The following PCDHGA2 variants were observed in gnomAD, a reference collection of about 807,000 sequenced individuals.
PCDHGA2 encodes the protein protocadherin gamma-A2.
PCDHGA2 carries 40 observed loss-of-function variants against 59.2 expected under a neutral mutation model. That is an observed-to-expected ratio of 0.68 (90% CI 0.52 to 0.88). PCDHGA2 has a LOEUF of 0.88. Among genes scored for constraint, PCDHGA2 ranks in the 40% least tolerant of loss-of-function variants. The probability of loss-of-function intolerance (pLI) is 0.00; values close to 1 mark genes in which losing one functional copy is unlikely to be tolerated. For synonymous variants in PCDHGA2, 560 were observed against 526.0 expected (o/e 1.06, Z -0.89); for missense variants, 1,226 against 1,204.0 (o/e 1.02, Z -0.27).
chr5:141,371,950 C>A (rs749822569), intron 1 of PCDHGA2: 2 of 1,613,286 alleles, frequency 1.2e-6, no homozygotes, highest in South Asian at 2.2e-5. Flanking sequence ...GCGCAGCGAG[C>A]CTTCGACCAC....
At chr5:141,375,022 T>G in intron 1 of PCDHGA2, 1 of 1,613,828 alleles carries the variant, frequency 6.2e-7, no homozygotes, top group Admixed American at 1.7e-5. Flanking sequence ...AGGACTCGAG[T>G]TTTTATGAGC....
chr5:141,446,633 C>T (rs2098509543), intron 1 of PCDHGA2, among the ~76,000 whole-genome samples: 4 of 152,208 alleles, frequency 2.6e-5, no homozygotes, highest in East Asian at 1.9e-4. Flanking sequence ...TGCACCACCA[C>T]GCCTGGCTAA....
At chr5:141,423,328 G>C (rs1308803675) in intron 1 of PCDHGA2, 1 of 1,614,194 alleles carries the variant, frequency 6.2e-7, no homozygotes, top group African/African-American at 1.3e-5. Flanking sequence ...GGTGGCCGCA[G>C]TCTCCTGCAT....
At chr5:141,384,435 A>G in intron 1 of PCDHGA2, 1 of 1,614,008 alleles carries the variant, frequency 6.2e-7, no homozygotes, top group Non-Finnish European at 8.5e-7. Context: ...CTGACACTGG[A>G]GTCCTGTACG....
At position 141,510,973 on chromosome 5, in the gene PCDHGA2, G is replaced by A. The variant is rs1448442252; in HGVS notation, c.2599G>A (p.Gly867Arg). 2 of 1,614,042 alleles carry A rather than the reference G, an allele frequency of 1.2e-6. No individual in the cohort carries two copies. Among genetic ancestry groups the A allele is most frequent in the East Asian group, 2.2e-5 (1 of 44,894 alleles). ...AGCTGCTGATGGGAGCTCCACCCTG[G>A]GAGGGGGTGCCGGCACCATGGGATT... ...SEAADGSSTL[G>R]GGAGTMGLSA... Residue 867 changes from glycine (G) to arginine (R), a missense_variant, in exon 4 of 4, where the codon GGA (glycine) becomes AGA (arginine). Gly to Arg is a moderately radical substitution (Grantham distance 125). Transcript: ENST00000394576.
At chr5:141,403,838 GA>G (rs751575888) in intron 1 of PCDHGA2, 1 of 1,613,592 alleles carries the variant, frequency 6.2e-7, no homozygotes, top group African/African-American at 1.3e-5. Context: ...CCAGCTTAAT[GA>G]AAATACTGGG....
At chr5:141,380,579 G>A (rs892018372) in intron 1 of PCDHGA2, among the ~76,000 whole-genome samples, 1 of 152,134 alleles carries the variant, frequency 6.6e-6, no homozygotes, top group Non-Finnish European at 1.5e-5. Context: ...TATCTTGGCG[G>A]TCTAGTAAAG....
chr5:141,400,290 C>T, intron 1 of PCDHGA2: 3 of 1,614,090 alleles, frequency 1.9e-6, no homozygotes, highest in Non-Finnish European at 2.5e-6. Context: ...CCGCCTGGAG[C>T]TGCTTCCAAC....
At chr5:141,393,079 GGATA>G (rs1414303760) in intron 1 of PCDHGA2, 2 of 1,613,582 alleles carry the variant, frequency 1.2e-6, no homozygotes, top group Non-Finnish European at 1.7e-6. Context: ...ACCGCGGGCA[GGATA>G]GATCGGGAGG....
chr5:141,341,055 T>A lies in PCDHGA2; in HGVS notation c.2084T>A (p.Val695Glu). 6.2e-7 allele frequency: 1 copy of A among 1,614,206 alleles called. No individual in the cohort carries two copies. Among genetic ancestry groups the A allele is most frequent in the Non-Finnish European group, 8.5e-7 (1 of 1,180,036 alleles). ...TCGGACCTCACTCTGTACCTGGTGGTGGCGGTGGCCGCGGTCTCCTGCGTC... is the reference window on the plus strand; with the variant it reads ...TCGGACCTCACTCTGTACCTGGTGGAGGCGGTGGCCGCGGTCTCCTGCGTC... ...NDSDLTLYLV[V>E]AVAAVSCVFL... Residue 695 changes from valine to glutamate, a missense_variant, in exon 1 of 4, where the codon GTG becomes GAG. Physicochemically the swap from Val to Glu is moderately radical, Grantham distance 121 (BLOSUM62 -2). Transcript: ENST00000394576.
chr5:141,419,145 A>T, intron 1 of PCDHGA2: 1 of 1,613,940 alleles, frequency 6.2e-7, no homozygotes, highest in Non-Finnish European at 8.5e-7. Flanking sequence ...GACAGGGGCA[A>T]GCCTCCGTTA....
At chr5:141,377,453 C>T (rs1242702883) in intron 1 of PCDHGA2, 1 of 151,916 alleles carries the variant, frequency 6.6e-6, no homozygotes, top group Non-Finnish European at 1.5e-5. Flanking sequence ...AAAAAGTAGC[C>T]AGATGTGTGG....
At chr5:141,356,527 A>T in intron 1 of PCDHGA2, 1 of 1,614,104 alleles carries the variant, frequency 6.2e-7, no homozygotes, top group Non-Finnish European at 8.5e-7. Flanking sequence ...ACTGCAAGTG[A>T]TGGACATCAA....
rs1431516547 is a variant in PCDHGA2, at chr5:141,361,467, C to G, written c.2424+20072C>G. The G allele has an allele frequency of 5.6e-6, 9 of 1,613,928 alleles. No individual in the cohort carries two copies. The highest frequency in any genetic ancestry group is 7.6e-6 in the Non-Finnish European group (9 of 1,179,906). ...TAATTGTCACCCTGCACATCTCCGA[C>G]GTCAACGATAATGCCCCAGTTTTCC... On this transcript the variant is annotated intron_variant, in intron 1 of 3. Transcript: ENST00000394576.
chr5:141,509,199 GTC>G (rs1017134758), intron 3 of PCDHGA2, among the ~76,000 whole-genome samples: 1 of 152,070 alleles, frequency 6.6e-6, no homozygotes, highest in Non-Finnish European at 1.5e-5. Context: ...AATATTTCCT[GTC>G]TCTCTATTTC....
In PCDHGA2 at chr5:141,485,222, C is replaced by A; in HGVS notation, c.2425-9585C>A. The A allele has an allele frequency of 6.2e-7, 1 of 1,614,196 alleles. No homozygotes were observed. The highest frequency in any genetic ancestry group is 8.5e-7 in the Non-Finnish European group (1 of 1,180,020). On this transcript the variant is annotated intron_variant, in intron 1 of 3. Transcript: ENST00000394576. This position sits in a 1 kb window ranked among gnomAD's most constrained non-coding sequence, Gnocchi z 5.7. ...GACAGAAATCTGGCGGTGGGCTACC[C>A]TTTTGTTCCTCTTTTACCACCTGGG...
intron 1 of PCDHGA2, chr5:141,395,542 TTGTGTGTGTGTGTGTGTG>T (rs55729045): frequency 3.2e-4 from 55 of 172,630 alleles, no homozygotes; most frequent in Middle Eastern, 1.8e-3. Context: ...TTGCTATTGT[TTGTGTGTGTGTGTGTGTG>T]TGTGTGTGTG....
chr5:141,446,469 T>C (rs538381725), intron 1 of PCDHGA2, among the ~76,000 whole-genome samples: 2 of 149,740 alleles, frequency 1.3e-5, no homozygotes, highest in South Asian at 4.2e-4. Flanking sequence ...TGATTAGACA[T>C]ATGGTCATCA....
At chr5:141,504,738 C>G (rs2099840693) in intron 2 of PCDHGA2, among the ~76,000 whole-genome samples, 1 of 151,874 alleles carries the variant, frequency 6.6e-6, no homozygotes, top group Non-Finnish European at 1.5e-5. Flanking sequence ...GCTTAGGAAG[C>G]CATTGAATTT....
Sources: allele counts gnomAD v4.1 joint callset (sites outside exome capture counted in the v4.1 genomes callset), GRCh38; gene constraint gnomAD v4.1.1; non-coding constraint Gnocchi (gnomAD v3.1); transcripts MANE v1.5; gene names NCBI Gene and HGNC (gene_info 2026-07-23, HGNC 2026-07-21).